The following GABRB1 variants were observed in gnomAD, a reference collection of about 807,000 sequenced individuals.
GABRB1 encodes gamma-aminobutyric acid receptor subunit beta-1.
GABRB1 carries 17 observed loss-of-function variants against 51.6 expected under a neutral mutation model. The ratio of observed to expected loss-of-function variants is 0.33; its 90% CI spans 0.23 to 0.49. GABRB1 has a LOEUF of 0.49. Among genes scored for constraint, GABRB1 ranks in the 20% least tolerant of loss-of-function variants. GABRB1 has a pLI of 0.99. For synonymous variants in GABRB1, 247 were observed against 218.9 expected (o/e 1.13, Z -1.14); for missense variants, 410 against 600.6 (o/e 0.68, Z 3.32).
intron 4 of GABRB1, among the ~76,000 whole-genome samples, chr4:47,248,176 T>C (rs561250169): frequency 2.0e-5 from 3 of 152,192 alleles, no homozygotes; most frequent in East Asian, 1.9e-4. Flanking sequence ...TTTTATTGTA[T>C]TGAGATATGT....
At chr4:47,189,159 C>T (rs1245536193) in intron 4 of GABRB1, among the ~76,000 whole-genome samples, 1 of 151,718 alleles carries the variant, frequency 6.6e-6, no homozygotes, top group Admixed American at 6.6e-5. Context: ...TGAGTGACGT[C>T]TAAAAAGTTA....
intron 3 of GABRB1, among the ~76,000 whole-genome samples, chr4:47,066,721 C>T (rs375022218): frequency 2.0e-5 from 3 of 152,136 alleles, no homozygotes. Flanking sequence ...TATTTCTATA[C>T]ATCTGTAGTC....
intron 4 of GABRB1, among the ~76,000 whole-genome samples, chr4:47,302,774 G>A (rs2109940481): frequency 6.6e-6 from 1 of 152,058 alleles, no homozygotes; most frequent in South Asian, 2.1e-4. Flanking sequence ...AAATAGGCAA[G>A]GTACCAAAAG....
At chr4:47,200,773 C>A (rs1388833780) in intron 4 of GABRB1, among the ~76,000 whole-genome samples, 1 of 152,132 alleles carries the variant, frequency 6.6e-6, no homozygotes, top group African/African-American at 2.4e-5. Context: ...AACTTTAGCT[C>A]ATGTTGTCTA....
rs576829536 is a variant in GABRB1 at position 47,297,215 on chromosome 4, C to T, written c.462-22912C>T. Among the ~76,000 whole-genome samples the T allele has an allele frequency of 6.0e-5, 9 of 149,554 alleles. No homozygotes were observed. The South Asian group carries it at 1.7e-3, about 29-fold the overall frequency. On this transcript the variant is annotated intron_variant, in intron 4 of 8. Transcript: ENST00000295454. Reference sequence around the variant, plus strand: ...ATTAAAAGAACTAGAAAAGCAAGAGCAAACACATTCAAAAGCTAGCAGAAG... The same window carrying T: ...ATTAAAAGAACTAGAAAAGCAAGAGTAAACACATTCAAAAGCTAGCAGAAG...
chr4:47,107,839 A>G (rs1313914481), intron 3 of GABRB1, among the ~76,000 whole-genome samples: 1 of 152,106 alleles, frequency 6.6e-6, no homozygotes, highest in Non-Finnish European at 1.5e-5. Flanking sequence ...AAAACTTAAA[A>G]GAGCTCATAT....
At chr4:47,165,913 C>T (rs958587835) in intron 4 of GABRB1, among the ~76,000 whole-genome samples, 3 of 152,100 alleles carry the variant, frequency 2.0e-5, no homozygotes, top group African/African-American at 7.2e-5. Flanking sequence ...AACTGTAATT[C>T]CACGTCTCTT....
At chr4:47,035,033 A>C (rs1344808369) in intron 3 of GABRB1, among the ~76,000 whole-genome samples, 1 of 152,158 alleles carries the variant, frequency 6.6e-6, no homozygotes, top group East Asian at 1.9e-4. Flanking sequence ...GTTTTTAAGA[A>C]AATGCAAGTT....
chr4:47,070,153 A>T (rs1219463725), intron 3 of GABRB1, among the ~76,000 whole-genome samples: 1 of 151,720 alleles, frequency 6.6e-6, no homozygotes, highest in African/African-American at 2.4e-5. Flanking sequence ...CTCCTGCCTC[A>T]GCCTCCCAAG....
intron 3 of GABRB1, among the ~76,000 whole-genome samples, chr4:47,069,597 G>A (rs192372241): frequency 6.6e-6 from 1 of 151,974 alleles, no homozygotes; most frequent in East Asian, 1.9e-4. Context: ...ACTCTCTCCA[G>A]CCACACCTCT....
chr4:47,230,710 G>A (rs1721111347), intron 4 of GABRB1, among the ~76,000 whole-genome samples: 1 of 152,112 alleles, frequency 6.6e-6, no homozygotes, highest in Non-Finnish European at 1.5e-5. Context: ...CTGATTGGGA[G>A]TACTAGTGTC....
chr4:47,312,566 T>A (rs1220711406), intron 4 of GABRB1, among the ~76,000 whole-genome samples: 1 of 152,224 alleles, frequency 6.6e-6, no homozygotes, highest in Non-Finnish European at 1.5e-5. Flanking sequence ...TATTGAGTGA[T>A]ACTGATATCA....
intron 4 of GABRB1, among the ~76,000 whole-genome samples, chr4:47,316,245 C>T (rs1270486976): frequency 1.3e-5 from 2 of 151,660 alleles, no homozygotes; most frequent in East Asian, 1.9e-4. Flanking sequence ...TTCATCACTC[C>T]CTTTTTTAGG....
chr4:47,376,708 G>C (rs1231212347), intron 5 of GABRB1, among the ~76,000 whole-genome samples: 1 of 152,164 alleles, frequency 6.6e-6, no homozygotes, highest in East Asian at 1.9e-4. Flanking sequence ...CTTGGGAGGA[G>C]TAGAGGCACA....
At chr4:47,088,641 T>C (rs904428823) in intron 3 of GABRB1, among the ~76,000 whole-genome samples, 1 of 152,200 alleles carries the variant, frequency 6.6e-6, no homozygotes, top group Non-Finnish European at 1.5e-5. Context: ...ATCGTGTCAT[T>C]GAGAAGGCCA....
chr4:47,236,313 A>C (rs1425551860), intron 4 of GABRB1, among the ~76,000 whole-genome samples: 1 of 152,112 alleles, frequency 6.6e-6, no homozygotes. Context: ...GCCAACAAAA[A>C]GTTTACAGTC....
chr4:47,157,194 A>C (rs1333716848), intron 3 of GABRB1, among the ~76,000 whole-genome samples: 1 of 152,080 alleles, frequency 6.6e-6, no homozygotes, highest in African/African-American at 2.4e-5. Context: ...CTTTCTCTCA[A>C]GAAATAGCTT....
intron 4 of GABRB1, among the ~76,000 whole-genome samples, chr4:47,251,913 C>T (rs1444457044): frequency 6.6e-6 from 1 of 152,182 alleles, no homozygotes; most frequent in Admixed American, 6.5e-5. Context: ...AGGCTATCCG[C>T]CTCCCAACTG....
intron 4 of GABRB1, among the ~76,000 whole-genome samples, chr4:47,228,973 T>G (rs755370266): frequency 6.6e-6 from 1 of 152,198 alleles, no homozygotes; most frequent in African/African-American, 2.4e-5. Context: ...ACAGCCACCA[T>G]GTAGAGAGTG....
Sources: allele counts gnomAD v4.1 joint callset (sites outside exome capture counted in the v4.1 genomes callset), GRCh38; gene constraint gnomAD v4.1.1; transcripts MANE v1.5; gene names NCBI Gene and HGNC (gene_info 2026-07-23, HGNC 2026-07-21).